PHC2: variants seen among roughly 807,000 people sequenced by gnomAD.
The protein encoded by PHC2 is polyhomeotic homolog 2, also known as polyhomeotic-like protein 2.
A neutral mutation model predicts 87.4 loss-of-function variants in PHC2; 29 were observed. The observed-to-expected ratio is 0.33, with a 90% confidence interval of 0.25 to 0.45. The LOEUF (loss-of-function observed/expected upper bound fraction) is 0.45. Ranked by LOEUF, PHC2 falls within the 20% of genes least tolerant of loss-of-function variation. The pLI is 1.00. For missense variants in PHC2, 857 were observed against 1,136.7 expected (o/e 0.75, Z 3.54); for synonymous variants, 438 against 461.7 (o/e 0.95, Z 0.66).
intron 1 of PHC2, among the ~76,000 whole-genome samples, chr1:33,403,123 CTTTTTTTTT>C: frequency 1.3e-5 from 1 of 74,656 alleles, no homozygotes; most frequent in South Asian, 5.8e-4. Context: ...GCCCGGCCCA[CTTTTTTTTT>C]TTTTTTTTTT....
At chr1:33,402,423 A>C (rs1649575041) in intron 1 of PHC2, among the ~76,000 whole-genome samples, 1 of 152,204 alleles carries the variant, frequency 6.6e-6, no homozygotes, top group African/African-American at 2.4e-5. Context: ...TGGCCTAGCA[A>C]TTCTATTCTT....
intron 7 of PHC2, among the ~76,000 whole-genome samples, chr1:33,365,834 C>T (rs562251487): frequency 5.9e-5 from 9 of 151,754 alleles, no homozygotes; most frequent in Admixed American, 2.6e-4. Context: ...GTGCCATGTG[C>T]GCTGCTTTGC....
In PHC2 at chr1:33,334,382, C is replaced by G; in HGVS notation, c.1559-90G>C. ...GGACAGCAAGGACTCAAACTGCGCC[C>G]GGCTTTTACCGTGGGGCCAAGCGAC... is the stretch of plus-strand genomic sequence containing the variant. On this transcript the variant is annotated intron_variant, in intron 9 of 14. Coordinates refer to ENST00000683057, the MANE Select transcript of PHC2 (RefSeq NM_001385109.1). This position sits in a 1 kb window ranked among gnomAD's most constrained non-coding sequence, Gnocchi z 5.5. 3 of 1,166,856 alleles carry G rather than the reference C, an allele frequency of 2.6e-6. No individual in the cohort carries two copies. The highest frequency in any genetic ancestry group is 3.7e-6 in the Non-Finnish European group (3 of 806,600). 72.3% of individuals were successfully genotyped at this position (1,166,856 alleles called of 1,614,324 possible).
At chr1:33,394,669 A>G (rs1332516600) in intron 1 of PHC2, among the ~76,000 whole-genome samples, 4 of 152,174 alleles carry the variant, frequency 2.6e-5, no homozygotes, top group Non-Finnish European at 4.4e-5. Context: ...TGGAACTCCT[A>G]GGCTCAAGTG....
At chr1:33,427,263 A>G (rs1650711280) in intron 1 of PHC2, among the ~76,000 whole-genome samples, 1 of 152,242 alleles carries the variant, frequency 6.6e-6, no homozygotes, top group African/African-American at 2.4e-5. Context: ...GCACTCAATA[A>G]ACGACAGCTA....
intron 9 of PHC2, chr1:33,336,672 C>T (rs1429370015): frequency 2.0e-5 from 3 of 152,248 alleles, no homozygotes; most frequent in South Asian, 2.1e-4. Context: ...GGCAGCTACT[C>T]GTATGCCCTT....
chr1:33,381,168 G>A (rs972381646), intron 1 of PHC2, among the ~76,000 whole-genome samples: 2 of 152,064 alleles, frequency 1.3e-5, no homozygotes, highest in African/African-American at 2.4e-5. Context: ...CAGCTTAAAG[G>A]CTGCTCCCAG....
intron 9 of PHC2, chr1:33,347,507 T>C (rs181808733): frequency 2.0e-6 from 2 of 985,132 alleles, no homozygotes; most frequent in East Asian, 2.3e-4. Flanking sequence ...GGTGGGGACA[T>C]GATGAAACAC....
intron 9 of PHC2, among the ~76,000 whole-genome samples, chr1:33,335,984 G>GTT (rs1646623292): frequency 2.7e-5 from 3 of 113,040 alleles, no homozygotes; most frequent in Admixed American, 2.3e-4. Context: ...TTTTGTTGTT[G>GTT]TTGTTGTTGT....
At chr1:33,347,813 C>A in intron 9 of PHC2, 1 of 822,512 alleles carries the variant, frequency 1.2e-6, no homozygotes, top group Non-Finnish European at 1.5e-6. Context: ...GCACCACTCC[C>A]CATCTGCCCG....
chr1:33,349,311 T>C lies in PHC2; in HGVS notation c.1558+5090A>G. 1.0e-6 allele frequency: 1 copy of C among 972,096 alleles called. No homozygotes were observed. Among genetic ancestry groups the C allele is most frequent in the Non-Finnish European group, 1.2e-6 (1 of 821,696 alleles). 60.2% of individuals were successfully genotyped at this position (972,096 alleles called of 1,614,324 possible). A position where few individuals can be genotyped will look rare whatever the true frequency, so the allele number is the denominator to read the frequency against. ...AGCGGCGGGGAGGCCGGTCCTAGGT[T>C]GGGGCTGGGGTGGGGTGTGCGGGGC... On this transcript the variant is annotated intron_variant, in intron 9 of 14. Transcript: ENST00000683057. This position sits in a 1 kb window ranked among gnomAD's most constrained non-coding sequence, Gnocchi z 4.2.
intron 13 of PHC2, among the ~76,000 whole-genome samples, chr1:33,329,766 C>T (rs1353151661): frequency 6.6e-6 from 1 of 152,190 alleles, no homozygotes; most frequent in Non-Finnish European, 1.5e-5. Context: ...CAGGAGGTTA[C>T]CTGAGCAGCC....
chr1:33,347,664 T>A, intron 9 of PHC2: 1 of 985,434 alleles, frequency 1.0e-6, no homozygotes, highest in Non-Finnish European at 1.2e-6. Flanking sequence ...AACTACCCCC[T>A]TTCTCAAGAT....
chr1:33,365,681 G>A (rs1647408128), intron 7 of PHC2, among the ~76,000 whole-genome samples: 1 of 152,224 alleles, frequency 6.6e-6, no homozygotes, highest in South Asian at 2.1e-4. Context: ...GAAGCCACAG[G>A]GCCGTGAGGC....
rs149092496 is a variant in PHC2, at chr1:33,411,019, T to G, written c.-55+19957A>C. Reference sequence around the variant, plus strand: ...TCTTCACCTGGAGACTTCCATTTATTATGATTACTAGTGCAAAATAATTTC... The same window carrying G: ...TCTTCACCTGGAGACTTCCATTTATGATGATTACTAGTGCAAAATAATTTC... On this transcript the variant is annotated intron_variant, in intron 1 of 14. Coordinates refer to ENST00000683057, the MANE Select transcript of PHC2 (RefSeq NM_001385109.1). 2.6e-3 allele frequency among the ~76,000 whole-genome samples: 399 copies of G among 152,328 alleles called. 3 individuals are homozygous for G. The highest frequency in any genetic ancestry group is 1.4e-3 in the Non-Finnish European group (94 of 68,024).
intron 2 of PHC2, among the ~76,000 whole-genome samples, chr1:33,373,120 C>CT (rs11422037): frequency 0.61 from 93,091 of 151,526 alleles, 29,805 homozygotes; most frequent in African/African-American, 0.82. Context: ...CCCTTTTATT[C>CT]TTTTTTTTGG....
rs969641328 is a variant in PHC2, at chr1:33,368,448, C to T, written c.663+88G>A. On this transcript the variant is annotated intron_variant, in intron 6 of 14. Coordinates refer to ENST00000683057, the MANE Select transcript of PHC2 (RefSeq NM_001385109.1). The surrounding 1 kb of genome is among the most constrained non-coding windows in gnomAD (Gnocchi z 6.6). Reference sequence around the variant, plus strand: ...TCCCGCCTGCTTTCCTAGCTGATCCCGGCCTCTCCTTGTGCCCCTCCCCAG... The same window carrying T: ...TCCCGCCTGCTTTCCTAGCTGATCCTGGCCTCTCCTTGTGCCCCTCCCCAG... 8.6e-6 allele frequency: 6 copies of T among 698,068 alleles called. No homozygotes were observed. The highest frequency in any genetic ancestry group is 3.6e-5 in the African/African-American group (2 of 55,670). 43.2% of individuals were successfully genotyped at this position (698,068 alleles called of 1,614,324 possible).
At position 33,368,676 on chromosome 1, in the gene PHC2, T is replaced by G; in HGVS notation, c.577-54A>C. 11 of 1,335,788 alleles carry G rather than the reference T, an allele frequency of 8.2e-6. No homozygotes were observed. Among genetic ancestry groups the G allele is most frequent in the Non-Finnish European group, 1.1e-5 (10 of 949,958 alleles). 82.7% of individuals were successfully genotyped at this position (1,335,788 alleles called of 1,614,324 possible). ...AGGCTCCTAGCTACCTGCACCAGGTTACCTGGCTGGGCCTGGAATCACAGG... is the reference window on the plus strand; with the variant it reads ...AGGCTCCTAGCTACCTGCACCAGGTGACCTGGCTGGGCCTGGAATCACAGG... On this transcript the variant is annotated intron_variant, in intron 5 of 14. Transcript: ENST00000683057. The surrounding 1 kb of genome is among the most constrained non-coding windows in gnomAD (Gnocchi z 6.6).
chr1:33,388,607 C>A (rs145821633), intron 1 of PHC2, among the ~76,000 whole-genome samples: 2 of 152,158 alleles, frequency 1.3e-5, no homozygotes, highest in Non-Finnish European at 2.9e-5. Flanking sequence ...CATGAGCCAC[C>A]ACACCCAGCC....
Sources: gnomAD v4.1 joint callset for allele counts (sites outside exome capture counted in the v4.1 genomes callset) on GRCh38, gnomAD v4.1.1 for gene constraint, Gnocchi (gnomAD v3.1) non-coding constraint, MANE v1.5 for transcripts, NCBI Gene and HGNC (gene_info 2026-07-23, HGNC 2026-07-21) for gene names.